The following CEACAM3 variants were observed in gnomAD, a reference collection of about 807,000 sequenced individuals.
CEACAM3 encodes CEA cell adhesion molecule 3.
CEACAM3 carries 32 observed loss-of-function variants against 30.1 expected under a neutral mutation model. That is an observed-to-expected ratio of 1.06 (90% CI 0.80 to 1.43). The LOEUF is 1.43. Ranked by LOEUF, CEACAM3 falls within the 40% of genes most tolerant of loss-of-function variation. The probability of loss-of-function intolerance (pLI) is 0.00; values close to 1 mark genes in which losing one functional copy is unlikely to be tolerated. For missense variants in CEACAM3, 290 were observed against 316.3 expected (o/e 0.92, Z 0.63); for synonymous variants, 134 against 127.2 (o/e 1.05, Z -0.36).
At chr19:41,798,702 G>C (rs1555825629) in intron 2 of CEACAM3, among the ~76,000 whole-genome samples, 1 of 152,220 alleles carries the variant, frequency 6.6e-6, no homozygotes, top group South Asian at 2.1e-4. Flanking sequence ...TTCCACAAGG[G>C]ATCAGACTCA....
rs182466328 is a variant in CEACAM3 at position 41,800,453 on chromosome 19, C to T, written c.424+2505C>T. 7.6e-4 allele frequency among the ~76,000 whole-genome samples: 116 copies of T among 152,244 alleles called. 1 individual carries two copies. In the East Asian group the frequency reaches 0.019, roughly 25 times the overall value. ...CCGGGAGAGTTTAGAGAAGACTTTG[C>T]TCCTCCACCTCTTGTGGAGGGCCAG... is the stretch of plus-strand genomic sequence containing the variant. On this transcript the variant is annotated intron_variant, in intron 2 of 6. Coordinates refer to ENST00000357396, the MANE Select transcript of CEACAM3 (RefSeq NM_001815.5).
Position 41,808,735 on chromosome 19 carries a change from A to G in CEACAM3, c.425-78A>G, listed in dbSNP as rs1455452679. 4 of 1,148,204 alleles carry G rather than the reference A, an allele frequency of 3.5e-6. No individual in the cohort carries two copies. The African/African-American group carries it at 6.2e-5, about 18-fold the overall frequency. The allele number at this position is 1,148,204 out of a possible 1,614,324, so 71.1% of individuals were successfully genotyped here. A position where few individuals can be genotyped will look rare whatever the true frequency, so the allele number is the denominator to read the frequency against. On this transcript the variant is annotated intron_variant, in intron 2 of 6. Transcript: ENST00000357396. ...GCATCTCCTTCTTCCCTGACTGCAC[A>G]CCTTCCCTGCAAGGCCCCTGTGGTT...
chr19:41,806,538 A>G (rs2073201708), intron 2 of CEACAM3, among the ~76,000 whole-genome samples: 1 of 152,158 alleles, frequency 6.6e-6, no homozygotes, highest in Non-Finnish European at 1.5e-5. Flanking sequence ...CCAACACCCA[A>G]TGCTGCTGCT....
chr19:41,807,434 C>A, intron 2 of CEACAM3: 1 of 1,228,042 alleles, frequency 8.1e-7, no homozygotes. Context: ...CCCAAATCCA[C>A]ACAGCCAGAG....
chr19:41,810,220 T>C (rs1199875534), intron 4 of CEACAM3, 103 bp from the exon 5 acceptor site: 1 of 1,461,560 alleles, frequency 6.8e-7, no homozygotes, highest in Non-Finnish European at 9.4e-7. Context: ...CTCCCCAACC[T>C]CAGCTGCTCA....
At chr19:41,806,005 TTTGTTGTTGTTG>T (rs1174523555) in intron 2 of CEACAM3, among the ~76,000 whole-genome samples, 1 of 43,382 alleles carries the variant, frequency 2.3e-5, no homozygotes, top group African/African-American at 4.1e-5. Context: ...GTTGTTGTTG[TTTGTTGTTGTTG>T]TTGTTGTTGT....
intron 3 of CEACAM3, chr19:41,809,180 C>A: frequency 2.8e-6 from 1 of 355,342 alleles, no homozygotes; most frequent in South Asian, 7.7e-5. Flanking sequence ...TTCCCTCACA[C>A]AGCAAAGCCA....
chr19:41,810,125 G>T, intron 4 of CEACAM3, 108 bp downstream of exon 4: 3 of 1,338,298 alleles, frequency 2.2e-6, no homozygotes, highest in East Asian at 4.6e-5. Flanking sequence ...CCCGGGGGCT[G>T]CAAGGAGGAT....
intron 2 of CEACAM3, chr19:41,807,003 A>G (rs530401083): frequency 1.9e-6 from 3 of 1,542,602 alleles, no homozygotes; most frequent in Admixed American, 1.8e-5. Flanking sequence ...TGGTCTTTTA[A>G]GGAGTGGAGT....
Position 41,796,655 on chromosome 19 carries a change from G to A in CEACAM3, c.-23G>A. 6.2e-7 allele frequency: 1 copy of A among 1,614,010 alleles called. No individual in the cohort carries two copies. The highest frequency in any genetic ancestry group is 8.5e-7 in the Non-Finnish European group (1 of 1,179,836). ...AGCCCAGGCTCTTTTCCACAGAGGA[G>A]GAAAGAGCAGGCAGCAGAGACCATG... On this transcript the variant is annotated 5_prime_UTR_variant, in exon 1 of 7. Transcript: ENST00000357396.
At chr19:41,810,992 C>A in intron 6 of CEACAM3, 95 bp downstream of exon 6, 1 of 1,357,846 alleles carries the variant, frequency 7.4e-7, no homozygotes, top group Admixed American at 2.0e-5. Context: ...ATTCAGGAAA[C>A]TGCTGTGAAA....
rs868921127 is a variant in CEACAM3 at position 41,796,741 on chromosome 19, G to A, written c.64G>A (p.Ala22Thr). 1.9e-6 allele frequency: 3 copies of A among 1,611,744 alleles called. No homozygotes were observed. Among genetic ancestry groups the A allele is most frequent in the African/African-American group, 2.7e-5 (2 of 74,854 alleles). Residue 22 changes from alanine (A) to threonine (T), a missense_variant and splice_region_variant, in exon 1 of 7, where the codon GCC (alanine) becomes ACC (threonine). Ala to Thr is a moderately conservative substitution (Grantham distance 58). Coordinates refer to ENST00000357396, the MANE Select transcript of CEACAM3 (RefSeq NM_001815.5). ...CCCCTGGCAGGGGCTTCTGCTCACA[G>A]GTGAGTGGAGGATTCCTGGGAGTGG... ...CIPWQGLLLT[A>T]SLLNFWNPPT...
chr19:41,811,240 T>C lies in CEACAM3; in HGVS notation c.*3T>C, dbSNP rs2073248136. ...ACAAAGCAGAAGTGGCTTCTTAGCT[T>C]CCTCCAGGAGCTGCTCCTGTGTGTT... On this transcript the variant is annotated 3_prime_UTR_variant, in exon 7 of 7. Transcript: ENST00000357396. 6.2e-7 allele frequency: 1 copy of C among 1,613,062 alleles called. No individual in the cohort carries two copies.
intron 1 of CEACAM3, 102 bp downstream of exon 1, chr19:41,796,843 G>A: frequency 8.0e-7 from 1 of 1,257,530 alleles, no homozygotes; most frequent in Non-Finnish European, 1.1e-6. Context: ...GAAGGCTTCT[G>A]CTGAAGCCTC....
intron 2 of CEACAM3, among the ~76,000 whole-genome samples, chr19:41,800,684 CCTCT>C (rs201080096): frequency 6.6e-6 from 1 of 151,702 alleles, no homozygotes; most frequent in Non-Finnish European, 1.5e-5. Context: ...CTCTTTGTCT[CCTCT>C]CTCTCTCTGC....
intron 2 of CEACAM3, among the ~76,000 whole-genome samples, chr19:41,806,638 AC>A (rs2073202415): frequency 6.6e-6 from 1 of 152,112 alleles, no homozygotes; most frequent in African/African-American, 2.4e-5. Context: ...TCTGTCTGTG[AC>A]ACACACATCT....
Position 41,811,459 on chromosome 19 carries a change from C to A in CEACAM3, c.*222C>A. On this transcript the variant is annotated 3_prime_UTR_variant, in exon 7 of 7. Coordinates refer to ENST00000357396, the MANE Select transcript of CEACAM3 (RefSeq NM_001815.5). The stretch of plus-strand genomic sequence containing the variant: ...GGGTCAGGACAAAGGCCTCTCATCA[C>A]CGCAGAAAGCGGGGGCTTGCAGGGA... 5.6e-6 allele frequency: 3 copies of A among 531,300 alleles called. No individual in the cohort carries two copies. Among genetic ancestry groups the A allele is most frequent in the Non-Finnish European group, 1.0e-5 (3 of 293,400 alleles). The allele number at this position is 531,300 out of a possible 1,614,324, so 32.9% of individuals were successfully genotyped here.
chr19:41,805,993 CTGT>C lies in CEACAM3; in HGVS notation c.425-2809_425-2807del, dbSNP rs1555826674. ...TTTCTAAGTTGGGATTCTACTCTTCCTGTTGTTGTTGTTTGTTGTTGTTGTTGT... is the reference window on the plus strand; with the variant it reads ...TTTCTAAGTTGGGATTCTACTCTTCCTGTTGTTGTTTGTTGTTGTTGTTGT... On this transcript the variant is annotated intron_variant, in intron 2 of 6. Coordinates refer to ENST00000357396, the MANE Select transcript of CEACAM3 (RefSeq NM_001815.5). Among the ~76,000 whole-genome samples the C allele has an allele frequency of 3.5e-5, 5 of 143,910 alleles. No individual in the cohort carries two copies. The South Asian group carries it at 6.3e-4, about 18-fold the overall frequency. 94.4% of individuals were successfully genotyped at this position (143,910 alleles called of 152,430 possible).
chr19:41,805,285 CT>C (rs782317671), intron 2 of CEACAM3, among the ~76,000 whole-genome samples: 49,273 of 103,846 alleles, frequency 0.47, 12,309 homozygotes, highest in Middle Eastern at 0.67. Context: ...CTTTTTTCTT[CT>C]TTTTTTTTTT....
Sources: gnomAD v4.1 joint callset for allele counts (sites outside exome capture counted in the v4.1 genomes callset) on GRCh38, gnomAD v4.1.1 for gene constraint, MANE v1.5 for transcripts, NCBI Gene and HGNC (gene_info 2026-07-23, HGNC 2026-07-21) for gene names.